Variants in NRXN3 observed in about 807,000 individuals in gnomAD.
The protein encoded by NRXN3 is neurexin 3, also known as neurexin III.
NRXN3 carries 32 observed loss-of-function variants against 137.6 expected under a neutral mutation model. The ratio of observed to expected loss-of-function variants is 0.23; its 90% confidence interval spans 0.18 to 0.31. The LOEUF is 0.31. NRXN3 is among the 10% of genes least tolerant of loss of function. The pLI is 1.00. For synonymous variants in NRXN3, 798 were observed against 784.5 expected, an observed-to-expected ratio of 1.02 and a Z score of -0.29; for missense variants, 1,574 against 2,062.5, an observed-to-expected ratio of 0.76 and a Z score of 4.59.
intron 16 of NRXN3, among the ~76,000 whole-genome samples, chr14:79,495,241 T>C (rs2096754980): frequency 6.6e-6 from 1 of 152,144 alleles, no homozygotes; most frequent in Non-Finnish European, 1.5e-5. Context: ...TCGCTCCCAC[T>C]AAAGAAAAAG....
At chr14:78,335,283 T>C (rs1336275529) in intron 4 of NRXN3, among the ~76,000 whole-genome samples, 1 of 152,264 alleles carries the variant, frequency 6.6e-6, no homozygotes, top group East Asian at 1.9e-4. Flanking sequence ...TCTCTCCCTT[T>C]TAAGACTTTT....
chr14:78,819,702 G>A (rs971503240), intron 10 of NRXN3, among the ~76,000 whole-genome samples: 11 of 152,148 alleles, frequency 7.2e-5, no homozygotes, highest in Admixed American at 2.0e-4. Context: ...CAGTTAGGCC[G>A]CATAAATGAC....
intron 15 of NRXN3, among the ~76,000 whole-genome samples, chr14:79,365,860 A>G (rs1367480336): frequency 6.6e-6 from 1 of 152,026 alleles, no homozygotes; most frequent in Non-Finnish European, 1.5e-5. Context: ...AAAATCTGAT[A>G]CGTATAATGT....
chr14:78,950,714 A>G (rs2099385513), intron 10 of NRXN3, among the ~76,000 whole-genome samples: 1 of 152,154 alleles, frequency 6.6e-6, no homozygotes, highest in Non-Finnish European at 1.5e-5. Context: ...GCAACACCCA[A>G]CAATCCTGTA....
chr14:78,456,853 CTT>C (rs71131649), intron 4 of NRXN3, among the ~76,000 whole-genome samples: 3,455 of 127,600 alleles, frequency 0.027, 54 homozygotes, highest in Non-Finnish European at 0.037. Context: ...TTCTTTCTTT[CTT>C]TTTCTCTTTC....
At chr14:79,755,739 C>A (rs1476071023) in intron 19 of NRXN3, among the ~76,000 whole-genome samples, 1 of 152,070 alleles carries the variant, frequency 6.6e-6, no homozygotes, top group Non-Finnish European at 1.5e-5. Context: ...AGGCAGGTTC[C>A]TGAATAGTCA....
intron 4 of NRXN3, among the ~76,000 whole-genome samples, chr14:78,339,746 C>T (rs953340750): frequency 3.3e-5 from 5 of 152,088 alleles, no homozygotes; most frequent in Non-Finnish European, 7.4e-5. Context: ...CTTTAGGCAG[C>T]CATGTTGACC....
intron 10 of NRXN3, among the ~76,000 whole-genome samples, chr14:78,831,724 A>G (rs1056376187): frequency 6.6e-6 from 1 of 151,992 alleles, no homozygotes; most frequent in Non-Finnish European, 1.5e-5. Context: ...GCAAAAATCA[A>G]TGTAATTACC....
At chr14:78,524,748 T>G (rs2096351295) in intron 4 of NRXN3, among the ~76,000 whole-genome samples, 1 of 152,068 alleles carries the variant, frequency 6.6e-6, no homozygotes, top group Non-Finnish European at 1.5e-5. Context: ...TCAGCACAAT[T>G]TTTTTTTCTA....
At chr14:79,462,890 G>GTATATGTATATGTACATATACA (rs568540345) in intron 15 of NRXN3, among the ~76,000 whole-genome samples, 1 of 22,782 alleles carries the variant, frequency 4.4e-5, no homozygotes, top group African/African-American at 1.6e-4. Context: ...ATACACATAT[G>GTATATGTATATGTACATATACA]TATGTATATG....
chr14:78,296,081 C>T (rs1420155469), intron 3 of NRXN3, among the ~76,000 whole-genome samples: 3 of 128,886 alleles, frequency 2.3e-5, no homozygotes, highest in South Asian at 2.6e-4. Context: ...TTTTTTGAGA[C>T]AAGGTCTTGC....
chr14:78,227,228 A>C (rs1045997678), intron 1 of NRXN3, among the ~76,000 whole-genome samples: 14 of 152,206 alleles, frequency 9.2e-5, no homozygotes, highest in African/African-American at 3.4e-4. Context: ...TATGACAGAA[A>C]TATGGGACTT....
chr14:78,739,567 G>T lies in NRXN3; in HGVS notation c.2044+24428G>T, dbSNP rs139412112. Among the ~76,000 whole-genome samples, 1,905 of 152,254 alleles carry T rather than the reference G, an allele frequency of 0.013. 76 individuals carry two copies. In the East Asian group the frequency reaches 0.16, roughly 13 times the overall value. On this transcript the variant is annotated intron_variant, in intron 8 of 20. Transcript: ENST00000335750. Reference sequence around the variant, plus strand: ...GCTCACTGAAACCTCCGCCTCCCGGGTTCAAGCGATTCTCCTGCTTCAGCC... The same window carrying T: ...GCTCACTGAAACCTCCGCCTCCCGGTTTCAAGCGATTCTCCTGCTTCAGCC...
At chr14:78,370,924 G>A (rs2086708768) in intron 4 of NRXN3, among the ~76,000 whole-genome samples, 1 of 152,170 alleles carries the variant, frequency 6.6e-6, no homozygotes, top group Admixed American at 6.5e-5. Context: ...TCAAACTACA[G>A]AGTACCTGTG....
At chr14:79,084,696 G>C (rs2047751705) in intron 15 of NRXN3, among the ~76,000 whole-genome samples, 1 of 152,090 alleles carries the variant, frequency 6.6e-6, no homozygotes, top group Non-Finnish European at 1.5e-5. Context: ...CAAATATGGT[G>C]ACTTTGGTTG....
At chr14:79,467,474 G>A (rs2096443547) in intron 16 of NRXN3, 72 bp downstream of exon 16, 10 of 1,369,578 alleles carry the variant, frequency 7.3e-6, no homozygotes, top group Non-Finnish European at 9.0e-6. Flanking sequence ...GGTAGACGCA[G>A]CAGAACATTC....
chr14:79,407,640 AT>A (rs2095340341), intron 15 of NRXN3, among the ~76,000 whole-genome samples: 1 of 152,148 alleles, frequency 6.6e-6, no homozygotes, highest in South Asian at 2.1e-4. Context: ...GATTAGCTGT[AT>A]GTGCCTTGGG....
At chr14:79,047,519 C>G (rs1351813137) in intron 15 of NRXN3, among the ~76,000 whole-genome samples, 1 of 151,820 alleles carries the variant, frequency 6.6e-6, no homozygotes, top group Non-Finnish European at 1.5e-5. Flanking sequence ...TTTTTGTTCC[C>G]CAGACATAGA....
chr14:78,363,882 C>A (rs1319196616), intron 4 of NRXN3, among the ~76,000 whole-genome samples: 1 of 152,186 alleles, frequency 6.6e-6, no homozygotes. Flanking sequence ...TTTTGAGAAC[C>A]TCCCTTCTCA....
Sources: allele counts gnomAD v4.1 joint callset (sites outside exome capture counted in the v4.1 genomes callset), GRCh38; gene constraint gnomAD v4.1.1; transcripts MANE v1.5; gene names NCBI Gene and HGNC (gene_info 2026-07-23, HGNC 2026-07-21).